NBAS: variants seen among roughly 807,000 people sequenced by gnomAD.
The protein encoded by NBAS is NBAS subunit of NRZ tethering complex.
A neutral mutation model predicts 302.5 loss-of-function variants in NBAS; 219 were observed. That is an observed-to-expected ratio of 0.72 (90% CI 0.65 to 0.81). The LOEUF is 0.81. Ranked by LOEUF, NBAS falls within the 30% of genes least tolerant of loss-of-function variation. NBAS has a pLI of 0.00. For synonymous variants in NBAS, 1,118 were observed against 1,021.6 expected (o/e 1.09, Z -1.80); for missense variants, 2,932 against 2,841.6 (o/e 1.03, Z -0.72).
the NBAS span, among the ~76,000 whole-genome samples, chr2:14,799,233 G>A: frequency 4.6e-5 from 7 of 151,852 alleles, no homozygotes; most frequent in Admixed American, 6.6e-5. Flanking sequence ...AACTTTGATC[G>A]GTATCAATCA....
At chr2:15,085,737 A>C in the NBAS span, among the ~76,000 whole-genome samples, 1 of 152,102 alleles carries the variant, frequency 6.6e-6, no homozygotes, top group South Asian at 2.1e-4. Flanking sequence ...GCCTGCTCCC[A>C]CTACCTGGCT....
At chr2:15,259,080 T>C (rs1028958597) in intron 44 of NBAS, among the ~76,000 whole-genome samples, 1 of 152,174 alleles carries the variant, frequency 6.6e-6, no homozygotes, top group African/African-American at 2.4e-5. Context: ...GTTCCCCCGA[T>C]ACATCAATGC....
the NBAS span, among the ~76,000 whole-genome samples, chr2:14,960,503 A>T: frequency 6.6e-6 from 1 of 152,184 alleles, no homozygotes; most frequent in Non-Finnish European, 1.5e-5. Flanking sequence ...TATCGCTGTG[A>T]GACAGGTTTT....
At chr2:14,844,940 A>G in the NBAS span, among the ~76,000 whole-genome samples, 1 of 152,216 alleles carries the variant, frequency 6.6e-6, no homozygotes, top group Non-Finnish European at 1.5e-5. Context: ...CCAGCCCCCA[A>G]ATGGTAACTC....
chr2:15,387,373 T>G (rs1036797390), intron 28 of NBAS, among the ~76,000 whole-genome samples: 5 of 152,070 alleles, frequency 3.3e-5, no homozygotes, highest in African/African-American at 1.2e-4. Context: ...TATTAATTGT[T>G]CAGTTTTCCT....
chr2:15,104,808 T>C, the NBAS span, among the ~76,000 whole-genome samples: 1 of 152,174 alleles, frequency 6.6e-6, no homozygotes, highest in Non-Finnish European at 1.5e-5. Context: ...CCAGTGACGA[T>C]GAGCTTTTTT....
At chr2:14,807,791 C>T in the NBAS span, among the ~76,000 whole-genome samples, 2 of 152,214 alleles carry the variant, frequency 1.3e-5, no homozygotes, top group African/African-American at 2.4e-5. Context: ...TAAGACTTGG[C>T]TTTTCTAGAA....
chr2:15,154,118 T>A, the NBAS span, among the ~76,000 whole-genome samples: 3 of 152,242 alleles, frequency 2.0e-5, no homozygotes, highest in Admixed American at 2.0e-4. Context: ...TTTTAATGCA[T>A]TGAGGCTGGG....
Position 15,430,846 on chromosome 2 carries a change from G to A in NBAS, c.2340-3052C>T, listed in dbSNP as rs566607254. ...TTTTGAGATGGAGTCTCGCTCGGTC[G>A]CCCAGTCTGGAGTGCAGTGGCACAA... On this transcript the variant is annotated intron_variant, in intron 21 of 51. Transcript: ENST00000281513. Among the ~76,000 whole-genome samples, 18 of 151,730 alleles carry A rather than the reference G, an allele frequency of 1.2e-4. No homozygotes were observed. In the East Asian group the frequency reaches 2.7e-3, roughly 23 times the overall value.
At chr2:15,316,316 C>G (rs1671508184) in intron 38 of NBAS, among the ~76,000 whole-genome samples, 1 of 152,206 alleles carries the variant, frequency 6.6e-6, no homozygotes, top group Non-Finnish European at 1.5e-5. Flanking sequence ...ATGCAGAACA[C>G]AGGTGATTTC....
the NBAS span, among the ~76,000 whole-genome samples, chr2:15,054,889 C>T: frequency 2.0e-5 from 3 of 152,196 alleles, no homozygotes; most frequent in Non-Finnish European, 2.9e-5. Context: ...AAAACAGAAA[C>T]ATTGTTTTCT....
chr2:14,958,432 GCTCAC>G, the NBAS span, among the ~76,000 whole-genome samples: 1 of 152,216 alleles, frequency 6.6e-6, no homozygotes, highest in Non-Finnish European at 1.5e-5. Context: ...GAGCCAAGCT[GCTCAC>G]AGAGGGTCTC....
intron 39 of NBAS, 126 bp from the exon 40 acceptor site, chr2:15,308,479 C>G: frequency 8.5e-7 from 1 of 1,183,110 alleles, no homozygotes; most frequent in Non-Finnish European, 1.2e-6. Context: ...AACTCAAGCT[C>G]AAGATCAACT....
chr2:15,295,012 A>G (rs779295538), intron 40 of NBAS, among the ~76,000 whole-genome samples: 17 of 152,138 alleles, frequency 1.1e-4, no homozygotes, highest in Admixed American at 3.3e-4. Context: ...TCCCCTACTC[A>G]TAGAACCAGC....
chr2:15,129,185 A>C, the NBAS span, among the ~76,000 whole-genome samples: 5 of 152,210 alleles, frequency 3.3e-5, no homozygotes, highest in African/African-American at 1.2e-4. Flanking sequence ...TTAAATCTCA[A>C]TTAATCCCCG....
intron 50 of NBAS, among the ~76,000 whole-genome samples, chr2:15,182,851 G>A (rs997804061): frequency 2.6e-5 from 4 of 152,146 alleles, no homozygotes; most frequent in Admixed American, 6.5e-5. Context: ...GCAAGTCCCA[G>A]GAGCAACAGC....
chr2:15,321,708 G>C (rs1214625597), intron 38 of NBAS, among the ~76,000 whole-genome samples: 1 of 152,184 alleles, frequency 6.6e-6, no homozygotes, highest in Non-Finnish European at 1.5e-5. Context: ...TCTCATGCCA[G>C]TTAGAATGGC....
chr2:15,040,581 C>T, the NBAS span, among the ~76,000 whole-genome samples: 1 of 152,230 alleles, frequency 6.6e-6, no homozygotes, highest in Non-Finnish European at 1.5e-5. Context: ...GCTGTCTAGA[C>T]TCAGCAAACA....
At chr2:14,820,750 C>T in the NBAS span, among the ~76,000 whole-genome samples, 1 of 152,102 alleles carries the variant, frequency 6.6e-6, no homozygotes, top group Non-Finnish European at 1.5e-5. Context: ...CAGTGTCAGT[C>T]ACTCTCTTGA....
Sources: allele counts gnomAD v4.1 joint callset (sites outside exome capture counted in the v4.1 genomes callset), GRCh38; gene constraint gnomAD v4.1.1; transcripts MANE v1.5; gene names NCBI Gene and HGNC (gene_info 2026-07-23, HGNC 2026-07-21).